LMF1: variants seen among roughly 807,000 people sequenced by gnomAD.
LMF1 encodes lipase maturation factor 1.
In LMF1, 68 loss-of-function variants were observed where a neutral mutation model predicts 60.6. That is an observed-to-expected ratio of 1.12 (90% CI 0.92 to 1.37). The LOEUF (loss-of-function observed/expected upper bound fraction) is 1.37, where lower values mean the gene tolerates loss of function less well. Ranked by LOEUF, LMF1 falls within the 40% of genes most tolerant of loss-of-function variation. The pLI, the probability that LMF1 is intolerant of heterozygous loss-of-function variation, is 0.00. For missense variants in LMF1, 948 were observed against 767.2 expected (o/e 1.24, Z -2.78); for synonymous variants, 418 against 324.7 (o/e 1.29, Z -3.09).
intron 2 of LMF1, among the ~76,000 whole-genome samples, chr16:937,997 G>A (rs1260344807): frequency 6.6e-6 from 1 of 152,046 alleles, no homozygotes; most frequent in African/African-American, 2.4e-5. Flanking sequence ...TCTTTGTCAT[G>A]TGGTGAAGGC....
intron 10 of LMF1, among the ~76,000 whole-genome samples, chr16:857,256 C>A (rs1368820595): frequency 6.6e-6 from 1 of 152,268 alleles, no homozygotes; most frequent in Admixed American, 6.5e-5. Flanking sequence ...TGGGTTTCAA[C>A]TCTCTGGCTT....
intron 2 of LMF1, among the ~76,000 whole-genome samples, chr16:952,972 AAACCAGC>A (rs2072526374): frequency 1.1e-4 from 4 of 37,802 alleles, no homozygotes; most frequent in African/African-American, 2.7e-4. Context: ...CAGACACCCC[AAACCAGC>A]CTCCTACATA....
intron 10 of LMF1, among the ~76,000 whole-genome samples, chr16:868,126 G>T (rs920772655): frequency 1.3e-5 from 2 of 152,078 alleles, no homozygotes; most frequent in South Asian, 4.1e-4. Flanking sequence ...GTGGGGCAGG[G>T]GATACAAACG....
rs1005825469 is a variant in LMF1, at chr16:870,053, G to A, written c.1246C>T (p.Arg416Trp). The A allele has an allele frequency of 3.1e-6, 5 of 1,609,028 alleles. No homozygotes were observed. The African/African-American group carries it at 5.3e-5, about 17-fold the overall frequency. ...GTGCCCTGCAGGATCACCTCCGCCC[G>A]CTCCTTGGTGATGCTGCCGGGAGAC... ...YGAFGSITKERAEVILQGTAS... is the reference protein window; with the variant it reads ...YGAFGSITKEWAEVILQGTAS... The change falls in exon 9 of 11, where the codon CGG (arginine) becomes TGG (tryptophan). Residue 416 changes from arginine to tryptophan, a missense_variant. Arg to Trp is a moderately radical substitution (Grantham distance 101). Transcript: ENST00000262301.
In LMF1 at chr16:954,610, G is replaced by T. The variant is rs2072622987; in HGVS notation, c.250C>A (p.Leu84Met). Reference protein sequence around the residue: ...QNKQLIGDRGLLPCRVFLKNF... With the variant: ...QNKQLIGDRGMLPCRVFLKNF... Reference sequence around the variant, plus strand: ...TTCAGGAACACTCTGCAGGGAAGCAGCCCCCTGTCACCGATGAGCTGCTTG... The same window carrying T: ...TTCAGGAACACTCTGCAGGGAAGCATCCCCCTGTCACCGATGAGCTGCTTG... Residue 84 changes from leucine to methionine, a missense_variant, in exon 2 of 11, where the codon CTG becomes ATG. Physicochemically the swap from Leu to Met is conservative, Grantham distance 15. Coordinates refer to ENST00000262301, the MANE Select transcript of LMF1 (RefSeq NM_022773.4). 3 of 1,609,910 alleles carry T rather than the reference G, an allele frequency of 1.9e-6. No individual in the cohort carries two copies. Among genetic ancestry groups the T allele is most frequent in the Non-Finnish European group, 2.5e-6 (3 of 1,177,210 alleles).
At chr16:919,870 G>T (rs1364637713) in intron 3 of LMF1, among the ~76,000 whole-genome samples, 1 of 152,130 alleles carries the variant, frequency 6.6e-6, no homozygotes, top group South Asian at 2.1e-4. Context: ...CCACCCCACA[G>T]CTCCGCCCCG....
intron 1 of LMF1, among the ~76,000 whole-genome samples, chr16:958,310 G>A (rs567112051): frequency 2.0e-5 from 3 of 152,316 alleles, no homozygotes; most frequent in South Asian, 2.1e-4. Flanking sequence ...AACACAAGCC[G>A]CAGATTGGAA....
At chr16:952,068 G>A (rs918749702) in intron 2 of LMF1, among the ~76,000 whole-genome samples, 3 of 152,210 alleles carry the variant, frequency 2.0e-5, no homozygotes, top group Non-Finnish European at 4.4e-5. Flanking sequence ...TCAGGCATGT[G>A]TGCGTGGAGG....
chr16:977,225 C>T (rs1467842939), intron 1 of LMF1: 1 of 398,424 alleles, frequency 2.5e-6, no homozygotes, highest in South Asian at 1.8e-5. Flanking sequence ...TGACCCAAAC[C>T]GGAACTCGTG....
intron 6 of LMF1, chr16:873,056 G>A (rs553156113): frequency 6.6e-6 from 1 of 152,390 alleles, no homozygotes; most frequent in Admixed American, 6.5e-5. Flanking sequence ...ATCAGATCCT[G>A]TTTCTAAGAA....
At position 978,049 on chromosome 16, in the gene LMF1, CACAA is replaced by C. The variant is rs367801020; in HGVS notation, c.-135+3092_-135+3095del. Among the ~76,000 whole-genome samples, 25 of 116,528 alleles carry C rather than the reference CACAA, an allele frequency of 2.1e-4. 1 individual carries two copies. The highest frequency in any genetic ancestry group is 8.8e-4 in the African/African-American group (23 of 26,122). 76.4% of individuals were successfully genotyped at this position (116,528 alleles called of 152,430 possible). A position where few individuals can be genotyped will look rare whatever the true frequency, so the allele number is the denominator to read the frequency against. On this transcript the variant is annotated intron_variant, in intron 1 of 6. Coordinates refer to the LMF1 transcript ENST00000570014. The stretch of plus-strand genomic sequence containing the variant: ...ACACGCACACCACACATCACACACA[CACAA>C]ACACACCCACACCCTGCACACATAC...
chr16:970,721 G>T, intron 1 of LMF1, 67 bp downstream of exon 1: 3 of 1,411,896 alleles, frequency 2.1e-6, no homozygotes, highest in South Asian at 2.6e-5. Flanking sequence ...GGAGTCTCGA[G>T]GGAGGGCGGG....
chr16:872,946 C>G (rs2069845222), intron 6 of LMF1: 1 of 152,292 alleles, frequency 6.6e-6, no homozygotes. Context: ...TGGGCCCTGC[C>G]TGAGTGTATT....
chr16:888,740 G>A (rs1365359544), intron 5 of LMF1, among the ~76,000 whole-genome samples: 1 of 152,208 alleles, frequency 6.6e-6, no homozygotes, highest in Non-Finnish European at 1.5e-5. Context: ...AAGCACTGGG[G>A]GGGGTCCTAG....
In LMF1 at chr16:878,392, G is replaced by A. The variant is rs930396673; in HGVS notation, c.897+1178C>T. The stretch of plus-strand genomic sequence containing the variant: ...TCAGGGCCCCGGCGGCCAGAGTGAG[G>A]GTCCTTGCTGGGGGGAGGGGTCAAG... On this transcript the variant is annotated intron_variant, in intron 6 of 10. Coordinates refer to ENST00000262301, the MANE Select transcript of LMF1 (RefSeq NM_022773.4). This position sits in a 1 kb window ranked among gnomAD's most constrained non-coding sequence, Gnocchi z 5.2. Among the ~76,000 whole-genome samples the A allele has an allele frequency of 2.0e-5, 3 of 152,120 alleles. No individual in the cohort carries two copies. Among genetic ancestry groups the A allele is most frequent in the African/African-American group, 7.2e-5 (3 of 41,418 alleles).
intron 3 of LMF1, among the ~76,000 whole-genome samples, chr16:913,003 G>C (rs866985128): frequency 1.3e-5 from 2 of 152,192 alleles, no homozygotes; most frequent in Non-Finnish European, 2.9e-5. Flanking sequence ...GCACCCGAAC[G>C]AGGCGGCAAC....
chr16:925,962 G>T (rs1567251748), intron 3 of LMF1, among the ~76,000 whole-genome samples: 4 of 152,150 alleles, frequency 2.6e-5, no homozygotes. Context: ...GTGCACGTGT[G>T]CACGTTTGCA....
At chr16:879,893 C>T (rs970445353) in intron 5 of LMF1, among the ~76,000 whole-genome samples, 156 bp from the exon 6 acceptor site, 2 of 152,162 alleles carry the variant, frequency 1.3e-5, no homozygotes, top group African/African-American at 2.4e-5. Flanking sequence ...CCACCTGCCA[C>T]GCTAAGAGGG....
chr16:901,885 C>G (rs770885453), intron 4 of LMF1: 1 of 152,488 alleles, frequency 6.6e-6, no homozygotes, highest in Admixed American at 6.5e-5. Flanking sequence ...AGCCATGACC[C>G]GCACAACCTG....
Sources: allele counts gnomAD v4.1 joint callset (sites outside exome capture counted in the v4.1 genomes callset), GRCh38; gene constraint gnomAD v4.1.1; non-coding constraint Gnocchi (gnomAD v3.1); transcripts MANE v1.5; gene names NCBI Gene and HGNC (gene_info 2026-07-23, HGNC 2026-07-21).